Variants in GPC4 observed in about 807,000 individuals in gnomAD.
GPC4 encodes glypican 4.
GPC4 carries 10 observed loss-of-function variants against 35.0 expected under a neutral mutation model. That is an observed-to-expected ratio of 0.29 (90% CI 0.18 to 0.48). The LOEUF (loss-of-function observed/expected upper bound fraction) is 0.48, where lower values mean the gene tolerates loss of function less well. Ranked by LOEUF, GPC4 falls within the 20% of genes least tolerant of loss-of-function variation. The pLI is 0.99. For synonymous variants in GPC4, 167 were observed against 170.2 expected (o/e 0.98, Z 0.15); for missense variants, 322 against 451.3 (o/e 0.71, Z 2.60).
At chrX:133,303,950 G>GAAGGAAGC (rs1473877350) in intron 7 of GPC4, among the ~76,000 whole-genome samples, 1 of 108,899 alleles carries the variant, frequency 9.2e-6, no homozygotes, top group East Asian at 2.9e-4. Flanking sequence ...AGGAAGGAAG[G>GAAGGAAGC]AAGGAAGCTA....
chrX:133,350,251 A>C (rs1420280555), intron 1 of GPC4, among the ~76,000 whole-genome samples: 1 of 111,917 alleles, frequency 8.9e-6, no homozygotes, highest in Non-Finnish European at 1.9e-5. Flanking sequence ...GGATGGGCAC[A>C]GTGGCTCATG....
In GPC4 at chrX:133,300,804, C is replaced by T. The variant is rs1184761892; in HGVS notation, c.*2063G>A. On this transcript the variant is annotated 3_prime_UTR_variant, in exon 9 of 9. Coordinates refer to ENST00000370828, the MANE Select transcript of GPC4 (RefSeq NM_001448.3). ...GGTCTATGGGGATAACTCTCTGAGC[C>T]ATATTTTGGAGACCAGATTCATTTC... is the stretch of plus-strand genomic sequence containing the variant. 1 of 111,527 alleles carries T rather than the reference C, an allele frequency of 9.0e-6. No homozygotes were observed. Among genetic ancestry groups the T allele is most frequent in the Non-Finnish European group, 1.9e-5 (1 of 53,119 alleles). 9.2% of individuals were successfully genotyped at this position (111,527 alleles called of 1,213,427 possible). A position where few individuals can be genotyped will look rare whatever the true frequency, so the allele number is the denominator to read the frequency against.
At chrX:133,360,786 A>G (rs2068564030) in intron 1 of GPC4, among the ~76,000 whole-genome samples, 1 of 111,780 alleles carries the variant, frequency 8.9e-6, no homozygotes, top group African/African-American at 3.3e-5. Flanking sequence ...CTGCAGCAGA[A>G]CAGTCTGGGG....
chrX:133,400,952 G>T (rs1245282544), intron 1 of GPC4, among the ~76,000 whole-genome samples: 2 of 109,570 alleles, frequency 1.8e-5, no homozygotes, highest in African/African-American at 6.7e-5. Flanking sequence ...ACAGAGACCA[G>T]GAAAAGCTTC....
intron 1 of GPC4, among the ~76,000 whole-genome samples, chrX:133,344,931 G>A (rs887874853): frequency 1.3e-4 from 15 of 112,517 alleles, no homozygotes; most frequent in African/African-American, 4.8e-4. Context: ...GGACCGCAGT[G>A]AGGAACATTT....
chrX:133,354,179 C>A (rs984531581), intron 1 of GPC4, among the ~76,000 whole-genome samples: 1 of 111,260 alleles, frequency 9.0e-6, no homozygotes, highest in Admixed American at 9.6e-5. Flanking sequence ...GTATGCAGTT[C>A]GGGATATACT....
chrX:133,388,557 C>T (rs1347379104), intron 1 of GPC4, among the ~76,000 whole-genome samples: 4 of 107,031 alleles, frequency 3.7e-5, no homozygotes, highest in Admixed American at 1.0e-4. Context: ...TTTTTTGAAA[C>T]GGAGTCTTGC....
chrX:133,346,225 C>T (rs2068490772), intron 1 of GPC4, among the ~76,000 whole-genome samples: 1 of 111,710 alleles, frequency 9.0e-6, no homozygotes, highest in Non-Finnish European at 1.9e-5. Context: ...AAGGAAGTAG[C>T]CTCTGGTCCT....
At chrX:133,361,656 T>C (rs1305408501) in intron 1 of GPC4, among the ~76,000 whole-genome samples, 1 of 111,333 alleles carries the variant, frequency 9.0e-6, no homozygotes, top group Non-Finnish European at 1.9e-5. Context: ...AAAAGCACCA[T>C]TGCTGGTCTT....
Position 133,302,909 on chromosome X carries a change from G to C in GPC4, c.1629C>G (p.Val543=). 8.3e-7 allele frequency: 1 copy of C among 1,211,721 alleles called. No individual in the cohort carries two copies. The highest frequency in any genetic ancestry group is 1.1e-6 in the Non-Finnish European group (1 of 895,415). ...RPGAQAYLLT[V]FCILFLVMQR... ...GCATAACCAGGAACAAGATGCAGAA[G>C]ACAGTGAGGAGGTAGGCCTGTGCCC... The change falls in exon 9 of 9, where the codon GTC becomes GTG. Residue 543 remains valine, a synonymous_variant. Transcript: ENST00000370828.
chrX:133,352,533 A>C (rs2068520901), intron 1 of GPC4, among the ~76,000 whole-genome samples: 1 of 111,157 alleles, frequency 9.0e-6, no homozygotes, highest in African/African-American at 3.3e-5. Flanking sequence ...AAAAAAAAAA[A>C]AACTCAGACA....
At chrX:133,399,136 C>T (rs769817333) in intron 1 of GPC4, among the ~76,000 whole-genome samples, 15 of 111,791 alleles carry the variant, frequency 1.3e-4, no homozygotes, top group Admixed American at 4.8e-4. Flanking sequence ...TATTGCAAGG[C>T]CAGGGGGCTT....
chrX:133,317,594 G>A (rs962881966), intron 3 of GPC4, among the ~76,000 whole-genome samples: 3 of 111,673 alleles, frequency 2.7e-5, no homozygotes, highest in Non-Finnish European at 3.8e-5. Context: ...ACGCTGTACT[G>A]AAGCTAGAAA....
chrX:133,391,123 C>T (rs915492430), intron 1 of GPC4, among the ~76,000 whole-genome samples: 1 of 111,972 alleles, frequency 8.9e-6, no homozygotes, highest in South Asian at 3.8e-4. Context: ...AGAAACCCAT[C>T]CCGAATCAAA....
rs1192641443 is a variant in GPC4 at position 133,359,540 on chromosome X, A to G, written c.161-20199T>C. On this transcript the variant is annotated intron_variant, in intron 1 of 8. Transcript: ENST00000370828. The stretch of plus-strand genomic sequence containing the variant: ...ACTTGCAAGAGATTGCAAAGGCTAT[A>G]GTAAGAGGCTCTTTTGCTCTATCAA... 2.7e-5 allele frequency among the ~76,000 whole-genome samples: 3 copies of G among 112,180 alleles called. No individual in the cohort carries two copies. In the Admixed American group the frequency reaches 2.8e-4, roughly 11 times the overall value.
At chrX:133,350,550 AAAC>A (rs746218967) in intron 1 of GPC4, among the ~76,000 whole-genome samples, 1 of 111,011 alleles carries the variant, frequency 9.0e-6, no homozygotes, top group Non-Finnish European at 1.9e-5. Context: ...CAAAACAAAC[AAAC>A]AACAACAACA....
chrX:133,318,526 G>T (rs1281099786), intron 3 of GPC4, among the ~76,000 whole-genome samples: 1 of 111,974 alleles, frequency 8.9e-6, no homozygotes, highest in Admixed American at 9.5e-5. Flanking sequence ...CATCCCAATG[G>T]TGAGGCACTG....
chrX:133,332,542 G>A (rs1323569306), intron 2 of GPC4, among the ~76,000 whole-genome samples: 1 of 111,319 alleles, frequency 9.0e-6, no homozygotes, highest in African/African-American at 3.3e-5. Flanking sequence ...TGGGATTACA[G>A]GCGTGCACCA....
At chrX:133,398,529 A>T (rs2068754450) in intron 1 of GPC4, among the ~76,000 whole-genome samples, 1 of 111,692 alleles carries the variant, frequency 9.0e-6, no homozygotes, top group African/African-American at 3.3e-5. Flanking sequence ...GCATTTTGGG[A>T]GGTTGAAGCG....
Sources: allele counts gnomAD v4.1 joint callset (sites outside exome capture counted in the v4.1 genomes callset), GRCh38; gene constraint gnomAD v4.1.1; transcripts MANE v1.5; gene names NCBI Gene and HGNC (gene_info 2026-07-23, HGNC 2026-07-21).